GCH1: variants seen among roughly 807,000 people sequenced by gnomAD.
GCH1 encodes GTP cyclohydrolase I.
GCH1 carries 5 observed loss-of-function variants against 25.9 expected under a neutral mutation model. The observed-to-expected ratio is 0.19, with a 90% CI of 0.10 to 0.41. GCH1 has a LOEUF of 0.41. Ranked by LOEUF, GCH1 falls within the 10% of genes least tolerant of loss-of-function variation. GCH1 has a pLI of 1.00. For missense variants in GCH1, 261 were observed against 336.5 expected (o/e 0.78, Z 1.75); for synonymous variants, 159 against 129.6 (o/e 1.23, Z -1.54).
intron 1 of GCH1, among the ~76,000 whole-genome samples, chr14:54,895,290 G>A (rs145503917): frequency 6.6e-6 from 1 of 152,260 alleles, no homozygotes; most frequent in East Asian, 1.9e-4. Context: ...CATCTCCAAT[G>A]CCATCTCCTC....
chr14:54,843,344 A>C lies in GCH1; in HGVS notation c.*673T>G. 1 of 1,292,788 alleles carries C rather than the reference A, an allele frequency of 7.7e-7. No individual in the cohort carries two copies. 80.1% of individuals were successfully genotyped at this position (1,292,788 alleles called of 1,614,324 possible). A position where few individuals can be genotyped will look rare whatever the true frequency, so the allele number is the denominator to read the frequency against. On this transcript the variant is annotated 3_prime_UTR_variant, in exon 6 of 6. Coordinates refer to ENST00000491895, the MANE Select transcript of GCH1 (RefSeq NM_000161.3). Reference sequence around the variant, plus strand: ...CTAAATCCCTGTATGTTGACACGAGAATACACTCGTAAACAACACCAGGAA... The same window carrying C: ...CTAAATCCCTGTATGTTGACACGAGCATACACTCGTAAACAACACCAGGAA...
chr14:54,843,612 C>T lies in GCH1; in HGVS notation c.*405G>A. 6.8e-7 allele frequency: 1 copy of T among 1,462,668 alleles called. No homozygotes were observed. The highest frequency in any genetic ancestry group is 9.0e-7 in the Non-Finnish European group (1 of 1,110,070). 90.6% of individuals were successfully genotyped at this position (1,462,668 alleles called of 1,614,324 possible). A position where few individuals can be genotyped will look rare whatever the true frequency, so the allele number is the denominator to read the frequency against. On this transcript the variant is annotated 3_prime_UTR_variant, in exon 6 of 6. Transcript: ENST00000491895. Reference sequence around the variant, plus strand: ...TTTTAGCACTTTCGGCACTACACCACTTTTATTGGAGGAAGAAAAAAAACA... The same window carrying T: ...TTTTAGCACTTTCGGCACTACACCATTTTTATTGGAGGAAGAAAAAAAACA...
chr14:54,893,098 AC>A (rs1280793379), intron 1 of GCH1, among the ~76,000 whole-genome samples: 7 of 152,210 alleles, frequency 4.6e-5, no homozygotes, highest in Non-Finnish European at 1.0e-4. Context: ...AAATATTTCT[AC>A]TAATGGGCTC....
chr14:54,885,228 C>G (rs1289720333), intron 1 of GCH1: 1 of 207,182 alleles, frequency 4.8e-6, no homozygotes, highest in African/African-American at 2.4e-5. Flanking sequence ...TCCTTCCCCA[C>G]ACTGACGCCT....
chr14:54,845,056 C>T (rs542980185), intron 5 of GCH1, among the ~76,000 whole-genome samples: 41 of 152,066 alleles, frequency 2.7e-4, no homozygotes, highest in African/African-American at 9.2e-4. Flanking sequence ...ACCTGTAATC[C>T]CAGCTATTTG....
chr14:54,852,197 T>C (rs1324913071), intron 3 of GCH1, among the ~76,000 whole-genome samples: 2 of 152,186 alleles, frequency 1.3e-5, no homozygotes, highest in Non-Finnish European at 2.9e-5. Context: ...GGCTAATTGA[T>C]ATAATAAGAA....
intron 3 of GCH1, among the ~76,000 whole-genome samples, chr14:54,854,594 A>T (rs1344095271): frequency 6.6e-6 from 1 of 152,234 alleles, no homozygotes; most frequent in Non-Finnish European, 1.5e-5. Flanking sequence ...ATAAAGCAAA[A>T]TCAAAAGACA....
chr14:54,875,653 A>G lies in GCH1; in HGVS notation c.344-10217T>C, dbSNP rs1444721405. Reference sequence around the variant, plus strand: ...AAAAAAACAAACAACCCCATCAAAAAGTGGGTGAAGGATATGAACAGACAC... The same window carrying G: ...AAAAAAACAAACAACCCCATCAAAAGGTGGGTGAAGGATATGAACAGACAC... On this transcript the variant is annotated intron_variant, in intron 1 of 5. Transcript: ENST00000491895. Among the ~76,000 whole-genome samples, 3 of 152,230 alleles carry G rather than the reference A, an allele frequency of 2.0e-5. No individual in the cohort carries two copies. In the East Asian group the frequency reaches 5.8e-4, roughly 29 times the overall value.
intron 1 of GCH1, among the ~76,000 whole-genome samples, chr14:54,875,226 G>T (rs1484537785): frequency 6.6e-6 from 1 of 152,162 alleles, no homozygotes. Flanking sequence ...ATGGGGAAAG[G>T]AATCCCTGTT....
chr14:54,880,692 C>CCAT (rs71131239), intron 1 of GCH1, among the ~76,000 whole-genome samples: 18 of 1,060 alleles, frequency 0.017, 7 homozygotes, highest in East Asian at 0.029. Context: ...TATATATACT[C>CCAT]ATATATATAT....
At chr14:54,850,518 T>C (rs2039712652) in intron 3 of GCH1, among the ~76,000 whole-genome samples, 1 of 152,040 alleles carries the variant, frequency 6.6e-6, no homozygotes, top group African/African-American at 2.4e-5. Flanking sequence ...CTTTAAGTTC[T>C]AGGGTACATG....
intron 3 of GCH1, among the ~76,000 whole-genome samples, chr14:54,854,202 G>A (rs2039775541): frequency 6.6e-6 from 1 of 152,154 alleles, no homozygotes; most frequent in Non-Finnish European, 1.5e-5. Flanking sequence ...AAAAGCTGTG[G>A]TGAGCCACCA....
chr14:54,848,979 T>C (rs1480712126), intron 3 of GCH1, among the ~76,000 whole-genome samples: 2 of 152,228 alleles, frequency 1.3e-5, no homozygotes, highest in East Asian at 1.9e-4. Flanking sequence ...TTAGTAATGT[T>C]TTCCTTCTCG....
chr14:54,892,555 G>T (rs2040437054), intron 1 of GCH1, among the ~76,000 whole-genome samples: 1 of 152,132 alleles, frequency 6.6e-6, no homozygotes, highest in Admixed American at 6.6e-5. Flanking sequence ...CAGGCATGGT[G>T]GTGGGCACCT....
At chr14:54,847,770 G>T (rs2039665983) in intron 3 of GCH1, among the ~76,000 whole-genome samples, 1 of 152,022 alleles carries the variant, frequency 6.6e-6, no homozygotes, top group South Asian at 2.1e-4. Context: ...GATGTCCCCA[G>T]AAAGAGAATT....
At chr14:54,849,279 G>A (rs1307540274) in intron 3 of GCH1, among the ~76,000 whole-genome samples, 2 of 152,106 alleles carry the variant, frequency 1.3e-5, no homozygotes, top group African/African-American at 2.4e-5. Flanking sequence ...TCTTTTACAA[G>A]TGAGGAGTAA....
In GCH1 at chr14:54,883,528, A is replaced by C. The variant is rs186890198; in HGVS notation, c.344-18092T>G. ...GTCCGTCTCTACTAAAAATACAAAAAATTAGCTGGGCGTGGTGGCAGGCGC... is the reference window on the plus strand; with the variant it reads ...GTCCGTCTCTACTAAAAATACAAAACATTAGCTGGGCGTGGTGGCAGGCGC... On this transcript the variant is annotated intron_variant, in intron 1 of 5. Transcript: ENST00000491895. 3.9e-4 allele frequency among the ~76,000 whole-genome samples: 60 copies of C among 152,066 alleles called. No homozygotes were observed. The East Asian group carries it at 9.3e-3, about 24-fold the overall frequency.
chr14:54,861,446 A>C (rs1594984658), intron 2 of GCH1, among the ~76,000 whole-genome samples: 2 of 152,124 alleles, frequency 1.3e-5, no homozygotes, highest in African/African-American at 4.8e-5. Context: ...TCACAAAATC[A>C]CTAGATAGGC....
At chr14:54,876,258 C>T (rs771599587) in intron 1 of GCH1, among the ~76,000 whole-genome samples, 1 of 151,640 alleles carries the variant, frequency 6.6e-6, no homozygotes. Flanking sequence ...CAAAAAGCAC[C>T]GCATGTTCTC....
Sources: gnomAD v4.1 joint callset for allele counts (sites outside exome capture counted in the v4.1 genomes callset) on GRCh38, gnomAD v4.1.1 for gene constraint, MANE v1.5 for transcripts, NCBI Gene and HGNC (gene_info 2026-07-23, HGNC 2026-07-21) for gene names.